The following SEMA3A variants were observed in gnomAD, a reference collection of about 807,000 sequenced individuals.
SEMA3A encodes semaphorin-3A.
In SEMA3A, 29 loss-of-function variants were observed where a neutral mutation model predicts 97.9. The observed-to-expected ratio is 0.30, with a 90% CI of 0.22 to 0.40. The LOEUF is 0.40. Ranked by LOEUF, SEMA3A falls within the 10% of genes least tolerant of loss-of-function variation. The probability of loss-of-function intolerance (pLI) is 1.00; values close to 1 mark genes in which losing one functional copy is unlikely to be tolerated. For synonymous variants in SEMA3A, 321 were observed against 323.7 expected (o/e 0.99, Z 0.09); for missense variants, 763 against 951.3 (o/e 0.80, Z 2.60).
chr7:84,342,279 C>A (rs1180671267), intron 2 of SEMA3A, among the ~76,000 whole-genome samples: 1 of 152,124 alleles, frequency 6.6e-6, no homozygotes, highest in Non-Finnish European at 1.5e-5. Context: ...AGGTGATCTG[C>A]CTGCCTTGGG....
At chr7:84,004,894 T>G (rs1009175733) in intron 11 of SEMA3A, among the ~76,000 whole-genome samples, 1 of 152,144 alleles carries the variant, frequency 6.6e-6, no homozygotes, top group African/African-American at 2.4e-5. Context: ...TTGAACTGTG[T>G]GGGTCCACTT....
At chr7:84,423,462 G>A (rs1804655061) in intron 1 of SEMA3A, among the ~76,000 whole-genome samples, 1 of 152,040 alleles carries the variant, frequency 6.6e-6, no homozygotes, top group Admixed American at 6.6e-5. Context: ...CCTCCCTCAC[G>A]TATTTCACTT....
intron 6 of SEMA3A, among the ~76,000 whole-genome samples, chr7:84,025,780 C>T (rs1252658398): frequency 6.6e-6 from 1 of 152,018 alleles, no homozygotes; most frequent in African/African-American, 2.4e-5. Context: ...TTATCTAATC[C>T]ACACATACCC....
chr7:84,156,669 CAA>C (rs1796855251), intron 1 of SEMA3A, among the ~76,000 whole-genome samples: 1 of 152,056 alleles, frequency 6.6e-6, no homozygotes. Flanking sequence ...ATACACATGT[CAA>C]AAAGACATGA....
intron 2 of SEMA3A, among the ~76,000 whole-genome samples, chr7:84,370,940 A>G (rs1802958491): frequency 6.6e-6 from 1 of 151,320 alleles, no homozygotes; most frequent in African/African-American, 2.4e-5. Context: ...TTAGTTGAGT[A>G]TCTAGTATAC....
chr7:84,325,387 G>A (rs1801751325), intron 2 of SEMA3A, among the ~76,000 whole-genome samples: 1 of 152,054 alleles, frequency 6.6e-6, no homozygotes, highest in Non-Finnish European at 1.5e-5. Context: ...AGATCGGAAG[G>A]TCAGGGAGAA....
chr7:84,009,664 T>C (rs1366658032), intron 9 of SEMA3A, among the ~76,000 whole-genome samples: 1 of 152,132 alleles, frequency 6.6e-6, no homozygotes, highest in Non-Finnish European at 1.5e-5. Context: ...GTGAACTTTA[T>C]ACTGAATGTA....
At chr7:84,016,834 T>G (rs555266188) in intron 6 of SEMA3A, among the ~76,000 whole-genome samples, 2 of 152,288 alleles carry the variant, frequency 1.3e-5, no homozygotes, top group South Asian at 4.1e-4. Flanking sequence ...GAAGCCTCCA[T>G]CACATGGTAA....
chr7:84,264,326 C>T (rs1282919879), intron 3 of SEMA3A, among the ~76,000 whole-genome samples: 1 of 152,056 alleles, frequency 6.6e-6, no homozygotes, highest in Non-Finnish European at 1.5e-5. Flanking sequence ...CTTGGGGGGC[C>T]TATAACAACA....
intron 4 of SEMA3A, among the ~76,000 whole-genome samples, chr7:84,077,502 A>T (rs2115781219): frequency 6.6e-6 from 1 of 152,202 alleles, no homozygotes; most frequent in East Asian, 1.9e-4. Context: ...TGGTTTCTTT[A>T]CATTTCAAGA....
chr7:84,339,813 C>A (rs1393693844), intron 2 of SEMA3A, among the ~76,000 whole-genome samples: 2 of 151,958 alleles, frequency 1.3e-5, no homozygotes, highest in Non-Finnish European at 2.9e-5. Context: ...AAACAGTTTT[C>A]AAAGCTTTAA....
intron 2 of SEMA3A, among the ~76,000 whole-genome samples, chr7:84,313,824 C>T (rs1306719920): frequency 6.6e-6 from 1 of 151,922 alleles, no homozygotes; most frequent in East Asian, 1.9e-4. Flanking sequence ...AATATTGACT[C>T]ATAGTTCTTT....
chr7:84,328,491 T>C (rs995866907), intron 2 of SEMA3A, among the ~76,000 whole-genome samples: 2 of 151,932 alleles, frequency 1.3e-5, no homozygotes, highest in African/African-American at 4.8e-5. Context: ...AGAAGCTTCT[T>C]ATATGAGAAA....
At chr7:84,368,509 T>G (rs565252126) in intron 2 of SEMA3A, among the ~76,000 whole-genome samples, 1 of 151,028 alleles carries the variant, frequency 6.6e-6, no homozygotes, top group African/African-American at 2.4e-5. Flanking sequence ...GGCTTTATAG[T>G]TTTATGTTAT....
intron 6 of SEMA3A, among the ~76,000 whole-genome samples, chr7:84,022,823 A>T (rs1382046810): frequency 1.3e-5 from 2 of 152,224 alleles, no homozygotes; most frequent in Non-Finnish European, 2.9e-5. Context: ...TTTGGGGAAG[A>T]AACTTTGTAT....
intron 3 of SEMA3A, among the ~76,000 whole-genome samples, chr7:84,238,498 A>G (rs1429904829): frequency 2.0e-5 from 3 of 152,280 alleles, no homozygotes; most frequent in Non-Finnish European, 4.4e-5. Context: ...GGTTTAAAGA[A>G]TGGAGTGAGG....
chr7:84,281,259 T>C (rs1163922151), intron 3 of SEMA3A, among the ~76,000 whole-genome samples: 1 of 152,074 alleles, frequency 6.6e-6, no homozygotes, highest in Non-Finnish European at 1.5e-5. Flanking sequence ...GAGGGTTGGA[T>C]TGAGGAGGCT....
intron 1 of SEMA3A, among the ~76,000 whole-genome samples, chr7:84,449,412 A>C (rs1472724395): frequency 6.6e-6 from 1 of 152,180 alleles, no homozygotes; most frequent in Non-Finnish European, 1.5e-5. Flanking sequence ...AAATTGTTAA[A>C]CCTCTAATTA....
Position 84,137,027 on chromosome 7 carries a change from A to C in SEMA3A, c.113-2076T>G, listed in dbSNP as rs150587509. Among the ~76,000 whole-genome samples the C allele has an allele frequency of 2.8e-3, 419 of 151,300 alleles. 1 individual carries two copies. The highest frequency in any genetic ancestry group is 9.5e-3 in the African/African-American group (392 of 41,104). ...AAGGAAAAGAGTTTGTATTCATGTG[A>C]ATCACAGCTGAAATAAATGAGAGCT... On this transcript the variant is annotated intron_variant, in intron 1 of 16. Transcript: ENST00000265362.
Sources: allele counts gnomAD v4.1 joint callset (sites outside exome capture counted in the v4.1 genomes callset), GRCh38; gene constraint gnomAD v4.1.1; transcripts MANE v1.5; gene names NCBI Gene and HGNC (gene_info 2026-07-23, HGNC 2026-07-21).